The following ANO3 variants were observed in gnomAD, a reference collection of about 807,000 sequenced individuals.
ANO3 encodes the protein anoctamin-3.
A neutral mutation model predicts 144.8 loss-of-function variants in ANO3; 99 were observed. The ratio of observed to expected loss-of-function variants is 0.68; its 90% CI spans 0.58 to 0.81. The LOEUF (loss-of-function observed/expected upper bound fraction) is 0.81, where lower values mean the gene tolerates loss of function less well. ANO3 is among the 30% of genes least tolerant of loss of function. The pLI, the probability that ANO3 is intolerant of heterozygous loss-of-function variation, is 0.00. For synonymous variants in ANO3, 414 were observed against 392.6 expected (o/e 1.05, Z -0.64); for missense variants, 905 against 1,202.2 (o/e 0.75, Z 3.66).
chr11:26,461,711 A>C (rs1375156857), intron 3 of ANO3, among the ~76,000 whole-genome samples: 1 of 152,082 alleles, frequency 6.6e-6, no homozygotes, highest in East Asian at 1.9e-4. Flanking sequence ...CTTTGGAATC[A>C]GATCAGAATT....
chr11:26,580,730 A>G (rs1851106744), intron 14 of ANO3, among the ~76,000 whole-genome samples: 1 of 152,250 alleles, frequency 6.6e-6, no homozygotes, highest in South Asian at 2.1e-4. Context: ...AAATATTTTC[A>G]GACAATTAAG....
chr11:26,297,090 A>G lies in ANO3; in HGVS notation c.155-12555A>G, dbSNP rs565441335. On this transcript the variant is annotated intron_variant, in intron 1 of 27. Transcript: ENST00000672621. Reference sequence around the variant, plus strand: ...TTTATATAATATACTTTAGGATTCAATGTTTCAGATTACTTCCTATAATTT... The same window carrying G: ...TTTATATAATATACTTTAGGATTCAGTGTTTCAGATTACTTCCTATAATTT... Among the ~76,000 whole-genome samples the G allele has an allele frequency of 4.6e-5, 7 of 152,222 alleles. No homozygotes were observed. In the East Asian group the frequency reaches 1.2e-3, roughly 25 times the overall value.
chr11:26,510,379 G>A (rs778810365), intron 5 of ANO3, among the ~76,000 whole-genome samples: 3 of 151,028 alleles, frequency 2.0e-5, no homozygotes, highest in African/African-American at 2.4e-5. Context: ...TCCGCCTCCC[G>A]CCCACACCCA....
intron 14 of ANO3, among the ~76,000 whole-genome samples, chr11:26,596,786 C>T (rs1418527084): frequency 1.3e-5 from 2 of 152,198 alleles, no homozygotes; most frequent in Non-Finnish European, 2.9e-5. Context: ...GGTAGGGGCA[C>T]ACACATGGGC....
chr11:26,551,861 C>T (rs1427597980), intron 12 of ANO3, among the ~76,000 whole-genome samples: 3 of 151,766 alleles, frequency 2.0e-5, no homozygotes. Context: ...TGTAGACATC[C>T]TGATTACTAG....
intron 1 of ANO3, among the ~76,000 whole-genome samples, chr11:26,326,135 CAT>C (rs1158472112): frequency 2.6e-5 from 4 of 152,072 alleles, no homozygotes; most frequent in Non-Finnish European, 5.9e-5. Flanking sequence ...GTAATTTAAA[CAT>C]AGTTATCATT....
chr11:26,367,016 C>T (rs1025284835), intron 1 of ANO3, among the ~76,000 whole-genome samples: 3 of 152,200 alleles, frequency 2.0e-5, no homozygotes, highest in Non-Finnish European at 4.4e-5. Flanking sequence ...AAAGGATTCT[C>T]TATTTAACAA....
chr11:26,651,326 A>G (rs533158748), intron 24 of ANO3, among the ~76,000 whole-genome samples: 9 of 152,350 alleles, frequency 5.9e-5, no homozygotes, highest in Admixed American at 5.2e-4. Flanking sequence ...AAAGTATCAC[A>G]TGTAGAGCTT....
At chr11:26,402,533 T>C (rs1164731625) in intron 1 of ANO3, among the ~76,000 whole-genome samples, 1 of 151,984 alleles carries the variant, frequency 6.6e-6, no homozygotes, top group African/African-American at 2.4e-5. Context: ...TGTTAGACTT[T>C]TGTTGGAAGC....
chr11:26,446,442 C>G (rs1565029489), intron 3 of ANO3, among the ~76,000 whole-genome samples: 1 of 152,088 alleles, frequency 6.6e-6, no homozygotes, highest in South Asian at 2.1e-4. Context: ...AATATTAATG[C>G]TGAGGCAGAC....
chr11:26,448,714 C>G (rs1383879307), intron 3 of ANO3, among the ~76,000 whole-genome samples: 1 of 144,426 alleles, frequency 6.9e-6, no homozygotes, highest in African/African-American at 2.6e-5. Flanking sequence ...GGGAATTACA[C>G]TGAAGGAACA....
intron 4 of ANO3, among the ~76,000 whole-genome samples, chr11:26,482,476 C>T (rs1225808882): frequency 1.4e-5 from 2 of 139,974 alleles, no homozygotes; most frequent in East Asian, 2.2e-4. Context: ...GTGTGTGTAT[C>T]TTTAAAAAGT....
At chr11:26,269,214 T>C (rs946690379) in intron 1 of ANO3, among the ~76,000 whole-genome samples, 2 of 152,188 alleles carry the variant, frequency 1.3e-5, no homozygotes, top group African/African-American at 4.8e-5. Flanking sequence ...ATAATCTGCA[T>C]TTCCAGAACA....
intron 1 of ANO3, among the ~76,000 whole-genome samples, chr11:26,357,154 G>A (rs1475928978): frequency 1.6e-4 from 25 of 152,090 alleles, no homozygotes; most frequent in Admixed American, 1.6e-3. Context: ...TTTCCAGTTT[G>A]GCAGCTATTA....
chr11:26,231,368 G>C (rs1212997406), intron 1 of ANO3, among the ~76,000 whole-genome samples: 1 of 152,158 alleles, frequency 6.6e-6, no homozygotes, highest in Non-Finnish European at 1.5e-5. Context: ...AGAGGCAGAT[G>C]AGTTACCACT....
intron 1 of ANO3, among the ~76,000 whole-genome samples, chr11:26,200,025 T>C (rs1851661935): frequency 6.6e-6 from 1 of 152,136 alleles, no homozygotes; most frequent in South Asian, 2.1e-4. Flanking sequence ...GGACTTACTT[T>C]CTGGGCTTGG....
chr11:26,616,124 A>G (rs181183745), intron 17 of ANO3, among the ~76,000 whole-genome samples: 1 of 152,274 alleles, frequency 6.6e-6, no homozygotes, highest in East Asian at 1.9e-4. Flanking sequence ...GTCTGTAATT[A>G]TTTTATCTTT....
At chr11:26,542,578 A>G (rs1215933450) in intron 11 of ANO3, among the ~76,000 whole-genome samples, 2 of 152,128 alleles carry the variant, frequency 1.3e-5, no homozygotes, top group African/African-American at 4.8e-5. Flanking sequence ...AAAGAAAGAA[A>G]AAAAGCCAGA....
intron 21 of ANO3, among the ~76,000 whole-genome samples, chr11:26,639,634 C>G (rs933443789): frequency 4.6e-5 from 7 of 152,188 alleles, no homozygotes; most frequent in African/African-American, 1.4e-4. Flanking sequence ...AGACAGCCTT[C>G]ATTCCTCCCA....
Sources: gnomAD v4.1 joint callset for allele counts (sites outside exome capture counted in the v4.1 genomes callset) on GRCh38, gnomAD v4.1.1 for gene constraint, MANE v1.5 for transcripts, NCBI Gene and HGNC (gene_info 2026-07-23, HGNC 2026-07-21) for gene names.